TM9SF3: variants seen among roughly 807,000 people sequenced by gnomAD.
TM9SF3 encodes the protein transmembrane 9 superfamily member 3.
Under a neutral mutation model 78.6 loss-of-function variants are expected in TM9SF3, and 14 were observed. The ratio of observed to expected loss-of-function variants is 0.18; its 90% CI spans 0.12 to 0.28. TM9SF3 has a LOEUF of 0.28. Among genes scored for constraint, TM9SF3 ranks in the 10% least tolerant of loss-of-function variants. TM9SF3 has a pLI of 1.00. For missense variants in TM9SF3, 496 were observed against 721.9 expected, an observed-to-expected ratio of 0.69 and a Z score of 3.59; for synonymous variants, 231 against 241.7, an observed-to-expected ratio of 0.96 and a Z score of 0.41.
At chr10:96,530,458 A>G (rs2134130971) in intron 11 of TM9SF3, 82 bp downstream of exon 11, 21 of 1,140,260 alleles carry the variant, frequency 1.8e-5, no homozygotes, top group Middle Eastern at 5.2e-4. Flanking sequence ...CTCCCAACTG[A>G]TAACTTTACA....
At chr10:96,565,164 T>C in intron 3 of TM9SF3, 140 bp downstream of exon 3, 1 of 784,492 alleles carries the variant, frequency 1.3e-6, no homozygotes, top group Non-Finnish European at 1.8e-6. Flanking sequence ...ACCATAAAAC[T>C]GGTATTAAAA....
At chr10:96,581,176 G>A (rs909825059) in intron 1 of TM9SF3, among the ~76,000 whole-genome samples, 2 of 152,176 alleles carry the variant, frequency 1.3e-5, no homozygotes, top group African/African-American at 4.8e-5. Flanking sequence ...CCAATGTTGG[G>A]CCCCTCTTAT....
At chr10:96,530,704 C>A in intron 10 of TM9SF3, 96 bp from the exon 11 acceptor site, 1 of 1,142,828 alleles carries the variant, frequency 8.8e-7, no homozygotes, top group Non-Finnish European at 1.2e-6. Context: ...CTTAAAAAAT[C>A]ATCTCTAAAG....
At chr10:96,551,090 TATTTA>T (rs536202992) in intron 7 of TM9SF3, among the ~76,000 whole-genome samples, 150 bp downstream of exon 7, 220 of 152,354 alleles carry the variant, frequency 1.4e-3, no homozygotes, top group African/African-American at 5.1e-3. Flanking sequence ...TACTGTTCAT[TATTTA>T]ATTTGTCTGT....
intron 7 of TM9SF3, 26 bp downstream of exon 7, chr10:96,551,219 T>A (rs1314101537): frequency 6.4e-7 from 1 of 1,571,888 alleles, no homozygotes; most frequent in Non-Finnish European, 8.6e-7. Context: ...AATAAAGACA[T>A]AATACAGTTA....
chr10:96,533,992 C>A (rs1236220886), intron 9 of TM9SF3, among the ~76,000 whole-genome samples: 1 of 152,060 alleles, frequency 6.6e-6, no homozygotes, highest in African/African-American at 2.4e-5. Context: ...AGAATTGAAT[C>A]ACCTCTAAGA....
At position 96,576,846 on chromosome 10, in the gene TM9SF3, AAAC is replaced by A; in HGVS notation, c.103-20_103-18del. 1 of 1,480,220 alleles carries A rather than the reference AAAC, an allele frequency of 6.8e-7. No homozygotes were observed. Among genetic ancestry groups the A allele is most frequent in the Non-Finnish European group, 8.9e-7 (1 of 1,120,206 alleles). 91.7% of individuals were successfully genotyped at this position (1,480,220 alleles called of 1,614,324 possible). ...ATCTTGATACTGAAACAAGAAAAGCAAACAAGAATTAAAAAAAAAAAACACACT... is the reference window on the plus strand; with the variant it reads ...ATCTTGATACTGAAACAAGAAAAGCAAAGAATTAAAAAAAAAAAACACACT... On this transcript the variant is annotated intron_variant, in intron 1 of 14. Transcript: ENST00000371142.
At chr10:96,563,038 T>C (rs1470323720) in intron 3 of TM9SF3, among the ~76,000 whole-genome samples, 2 of 145,618 alleles carry the variant, frequency 1.4e-5, no homozygotes, top group Admixed American at 1.4e-4. Context: ...TAGTTTTGTT[T>C]TGCTTGGGAT....
intron 1 of TM9SF3, among the ~76,000 whole-genome samples, chr10:96,579,276 G>A (rs1848533389): frequency 6.6e-6 from 1 of 152,176 alleles, no homozygotes. Flanking sequence ...ATCTATTTAA[G>A]AGCAGAATGT....
intron 11 of TM9SF3, among the ~76,000 whole-genome samples, chr10:96,529,331 T>G (rs775904772): frequency 2.0e-5 from 3 of 152,166 alleles, no homozygotes; most frequent in Non-Finnish European, 1.5e-5. Context: ...CTGACTAAAT[T>G]AAATGTTACA....
At chr10:96,564,518 CTT>C (rs1295824412) in intron 3 of TM9SF3, among the ~76,000 whole-genome samples, 2 of 152,316 alleles carry the variant, frequency 1.3e-5, no homozygotes, top group African/African-American at 2.4e-5. Flanking sequence ...ATAATTATCT[CTT>C]GATATTAACT....
chr10:96,530,900 T>C (rs2134131229), intron 10 of TM9SF3, among the ~76,000 whole-genome samples: 1 of 152,316 alleles, frequency 6.6e-6, no homozygotes, highest in Non-Finnish European at 1.5e-5. Flanking sequence ...TTCCCTCTGG[T>C]TCTACTAGAC....
At chr10:96,551,095 A>T in intron 7 of TM9SF3, 150 bp downstream of exon 7, 1 of 696,252 alleles carries the variant, frequency 1.4e-6, no homozygotes, top group Non-Finnish European at 2.3e-6. Flanking sequence ...TTCATTATTT[A>T]ATTTGTCTGT....
chr10:96,554,785 A>G (rs1049375257), intron 5 of TM9SF3, among the ~76,000 whole-genome samples: 2 of 152,184 alleles, frequency 1.3e-5, no homozygotes, highest in Non-Finnish European at 2.9e-5. Flanking sequence ...ACTGCCCTAA[A>G]GTACACTCAT....
intron 2 of TM9SF3, among the ~76,000 whole-genome samples, chr10:96,567,438 CTT>C (rs1442735524): frequency 5.3e-5 from 8 of 152,172 alleles, no homozygotes; most frequent in African/African-American, 2.4e-5. Flanking sequence ...TAGTCCAACT[CTT>C]TGTTTCCCAA....
chr10:96,538,300 G>A (rs1034602871), intron 9 of TM9SF3, among the ~76,000 whole-genome samples: 2 of 152,090 alleles, frequency 1.3e-5, no homozygotes, highest in Non-Finnish European at 2.9e-5. Flanking sequence ...TTCAACAAAT[G>A]GTGCTGGAAC....
At chr10:96,539,981 G>A (rs1286302947) in intron 9 of TM9SF3, among the ~76,000 whole-genome samples, 2 of 152,130 alleles carry the variant, frequency 1.3e-5, no homozygotes, top group African/African-American at 2.4e-5. Context: ...AAGATAATGC[G>A]TGTGAAAATG....
chr10:96,551,373 C>T lies in TM9SF3; in HGVS notation c.831G>A (p.Val277=), dbSNP rs1422285145. 1.2e-6 allele frequency: 2 copies of T among 1,611,618 alleles called. No homozygotes were observed. Among genetic ancestry groups the T allele is most frequent in the Non-Finnish European group, 8.5e-7 (1 of 1,178,944 alleles). The change falls in exon 7 of 15, where the codon GTG becomes GTA. Residue 277 remains valine (V), a synonymous_variant. Coordinates refer to ENST00000371142, the MANE Select transcript of TM9SF3 (RefSeq NM_020123.4). ...TTGATGGTCTAAATACATCTCCATG[C>T]ACCTGTTTCCATCCATATTCATCTC... ...DLGDEYGWKQ[V]HGDVFRPSSH...
chr10:96,581,793 T>C (rs1005321057), intron 1 of TM9SF3, among the ~76,000 whole-genome samples: 1 of 152,372 alleles, frequency 6.6e-6, no homozygotes, highest in Non-Finnish European at 1.5e-5. Context: ...CACTCCGTGA[T>C]ATAATACAAA....
Sources: allele counts gnomAD v4.1 joint callset (sites outside exome capture counted in the v4.1 genomes callset), GRCh38; gene constraint gnomAD v4.1.1; transcripts MANE v1.5; gene names NCBI Gene and HGNC (gene_info 2026-07-23, HGNC 2026-07-21).